C2orf76: variants seen among roughly 807,000 people sequenced by gnomAD.
C2orf76 encodes the protein UPF0538 protein C2orf76.
A neutral mutation model predicts 16.9 loss-of-function variants in C2orf76; 23 were observed. The ratio of observed to expected loss-of-function variants is 1.36; its 90% CI spans 0.98 to 1.93. The LOEUF is 1.93. Among genes scored for constraint, C2orf76 ranks in the 30% most tolerant of loss-of-function variants. The pLI is 0.00. For synonymous variants in C2orf76, 48 were observed against 52.3 expected (o/e 0.92, Z 0.35); for missense variants, 152 against 152.6 (o/e 1.00, Z 0.02).
chr2:119,346,767 C>T (rs1190001312), intron 1 of C2orf76, among the ~76,000 whole-genome samples: 2 of 152,086 alleles, frequency 1.3e-5, no homozygotes, highest in African/African-American at 2.4e-5. Flanking sequence ...CTGCACAGAA[C>T]TAAATGCATA....
intron 4 of C2orf76, among the ~76,000 whole-genome samples, chr2:119,313,681 T>A (rs765033058): frequency 2.6e-5 from 4 of 152,090 alleles, no homozygotes; most frequent in Non-Finnish European, 4.4e-5. Context: ...GAAAAGTCAG[T>A]CTCCTTCCAA....
intron 3 of C2orf76, among the ~76,000 whole-genome samples, chr2:119,318,654 C>A (rs1184887988): frequency 1.3e-5 from 2 of 152,092 alleles, no homozygotes; most frequent in Non-Finnish European, 2.9e-5. Flanking sequence ...CTCAGCCTCC[C>A]GAGCAGCTGG....
chr2:119,358,405 CT>C (rs1680639704), intron 1 of C2orf76, among the ~76,000 whole-genome samples: 1 of 152,008 alleles, frequency 6.6e-6, no homozygotes, highest in African/African-American at 2.4e-5. Flanking sequence ...GGAGGAACCC[CT>C]GTCCCTACTA....
At chr2:119,292,765 T>C in the C2orf76 span, among the ~76,000 whole-genome samples, 1 of 152,176 alleles carries the variant, frequency 6.6e-6, no homozygotes, top group Non-Finnish European at 1.5e-5. Flanking sequence ...CCAGGTGCGG[T>C]GGCTCATGCC....
At chr2:119,341,333 T>C (rs919440939) in intron 1 of C2orf76, among the ~76,000 whole-genome samples, 2 of 152,178 alleles carry the variant, frequency 1.3e-5, no homozygotes, top group Admixed American at 1.3e-4. Flanking sequence ...ATATCAGCAA[T>C]GCTTACATGC....
chr2:119,340,024 A>G, intron 1 of C2orf76, 53 bp from the exon 2 acceptor site: 2 of 1,571,182 alleles, frequency 1.3e-6, no homozygotes, highest in Non-Finnish European at 1.7e-6. Flanking sequence ...ACAGTTGTCT[A>G]CCAGCACCTA....
chr2:119,356,805 A>G (rs1408886184), intron 1 of C2orf76, among the ~76,000 whole-genome samples: 2 of 152,132 alleles, frequency 1.3e-5, no homozygotes, highest in African/African-American at 4.8e-5. Flanking sequence ...TTGGGAATGA[A>G]ATGGAGGATA....
downstream of C2orf76, among the ~76,000 whole-genome samples, chr2:119,298,528 C>T (rs928647770): frequency 2.6e-5 from 4 of 151,702 alleles, no homozygotes; most frequent in Non-Finnish European, 5.9e-5. Context: ...TTCTAGCCTA[C>T]GTTTTGTTTT....
At chr2:119,300,403 T>C (rs1344800516), downstream of C2orf76, among the ~76,000 whole-genome samples, 1 of 152,132 alleles carries the variant, frequency 6.6e-6, no homozygotes, top group Non-Finnish European at 1.5e-5. Context: ...TTCTAAAATA[T>C]AAATGGAATC....
intron 2 of C2orf76, among the ~76,000 whole-genome samples, chr2:119,328,021 C>T (rs540230840): frequency 1.7e-4 from 26 of 151,892 alleles, no homozygotes; most frequent in African/African-American, 5.8e-4. Context: ...AAATATTCTG[C>T]CCCCCTCCTT....
chr2:119,367,086 C>A (rs1285273774), upstream of C2orf76: 3 of 1,613,560 alleles, frequency 1.9e-6, no homozygotes, highest in Non-Finnish European at 2.5e-6. Flanking sequence ...AGCCAGGCTG[C>A]GAAGGTGCAG....
chr2:119,322,901 A>AG (rs1679392422), intron 2 of C2orf76, among the ~76,000 whole-genome samples: 1 of 152,186 alleles, frequency 6.6e-6, no homozygotes, highest in Admixed American at 6.5e-5. Context: ...AGAGACCAGA[A>AG]GGGTAAAGGA....
chr2:119,343,680 C>T (rs1190963645), intron 1 of C2orf76, among the ~76,000 whole-genome samples: 3 of 152,166 alleles, frequency 2.0e-5, no homozygotes, highest in East Asian at 3.9e-4. Flanking sequence ...TGCCTGTAGT[C>T]CCAGCTACTC....
chr2:119,312,186 C>T (rs73948650), intron 4 of C2orf76, among the ~76,000 whole-genome samples: 2,849 of 152,268 alleles, frequency 0.019, 82 homozygotes, highest in African/African-American at 0.064. Context: ...ACCTGGTCAG[C>T]GACAGAGCTG....
intron 2 of C2orf76, among the ~76,000 whole-genome samples, chr2:119,321,853 C>CAT (rs34104959): frequency 0.27 from 40,362 of 149,066 alleles, 5,421 homozygotes; most frequent in Middle Eastern, 0.38. Context: ...TTGTGTGAGA[C>CAT]ATATATATAT....
At chr2:119,349,179 A>C (rs1680301985) in intron 1 of C2orf76, among the ~76,000 whole-genome samples, 1 of 152,224 alleles carries the variant, frequency 6.6e-6, no homozygotes. Context: ...TATACTTTTT[A>C]ATATTGTTTG....
Position 119,302,279 on chromosome 2 carries a change from A to C in C2orf76, c.*193T>G. On this transcript the variant is annotated 3_prime_UTR_variant, in exon 6 of 6. Coordinates refer to ENST00000334816, the MANE Select transcript of C2orf76 (RefSeq NM_001322331.2). The stretch of plus-strand genomic sequence containing the variant: ...AAAAAGATCAAATGTTTTTCTCATA[A>C]TATATTATTTTACAACAACAAAGAA... 1 of 384,414 alleles carries C rather than the reference A, an allele frequency of 2.6e-6. No homozygotes were observed. Among genetic ancestry groups the C allele is most frequent in the Non-Finnish European group, 4.7e-6 (1 of 212,358 alleles). The allele number at this position is 384,414 out of a possible 1,614,324, so 23.8% of individuals were successfully genotyped here. A position where few individuals can be genotyped will look rare whatever the true frequency, so the allele number is the denominator to read the frequency against.
At chr2:119,326,881 C>A (rs1679524711) in intron 2 of C2orf76, among the ~76,000 whole-genome samples, 1 of 151,788 alleles carries the variant, frequency 6.6e-6, no homozygotes, top group Non-Finnish European at 1.5e-5. Context: ...ACAATTAATT[C>A]TTGTACACTG....
At chr2:119,327,914 C>G (rs1679560440) in intron 2 of C2orf76, among the ~76,000 whole-genome samples, 1 of 151,696 alleles carries the variant, frequency 6.6e-6, no homozygotes, top group Non-Finnish European at 1.5e-5. Context: ...TTTTACATCT[C>G]CATTCATGAT....
Sources: gnomAD v4.1 joint callset for allele counts (sites outside exome capture counted in the v4.1 genomes callset) on GRCh38, gnomAD v4.1.1 for gene constraint, MANE v1.5 for transcripts, NCBI Gene and HGNC (gene_info 2026-07-23, HGNC 2026-07-21) for gene names.